Variants in SMYD3 observed in about 807,000 individuals in gnomAD.
The protein encoded by SMYD3 is SET and MYND domain containing 3.
A neutral mutation model predicts 57.7 loss-of-function variants in SMYD3; 36 were observed. That is an observed-to-expected ratio of 0.62 (90% CI 0.48 to 0.82). The LOEUF is 0.82. SMYD3 is among the 40% of genes least tolerant of loss of function. SMYD3 has a pLI of 0.00. For missense variants in SMYD3, 515 were observed against 538.8 expected, an observed-to-expected ratio of 0.96 and a Z score of 0.44; for synonymous variants, 211 against 195.0, an observed-to-expected ratio of 1.08 and a Z score of -0.68.
intron 7 of SMYD3, among the ~76,000 whole-genome samples, chr1:245,922,048 A>C (rs1382892030): frequency 6.6e-6 from 1 of 152,234 alleles, no homozygotes; most frequent in Non-Finnish European, 1.5e-5. Flanking sequence ...AGCTTAATTC[A>C]AAAGGTAAAT....
At position 245,815,661 on chromosome 1, in the gene SMYD3, A is replaced by C. The variant is rs553096270; in HGVS notation, c.1076+42835T>G. On this transcript the variant is annotated intron_variant, in intron 10 of 11. Coordinates refer to ENST00000490107, the MANE Select transcript of SMYD3 (RefSeq NM_001167740.2). ...AGCACCTCTCTGTGTCCTGCTCAAA[A>C]GCATTAAAACATCATTCTTAGATAA... Among the ~76,000 whole-genome samples, 3 of 152,382 alleles carry C rather than the reference A, an allele frequency of 2.0e-5. No individual in the cohort carries two copies. The South Asian group carries it at 6.2e-4, about 32-fold the overall frequency.
intron 5 of SMYD3, among the ~76,000 whole-genome samples, chr1:245,973,592 G>A (rs1167129406): frequency 1.3e-5 from 2 of 152,198 alleles, no homozygotes; most frequent in Admixed American, 6.5e-5. Flanking sequence ...GAGGCTGCAC[G>A]AGAGAGCAAA....
chr1:246,326,970 A>T, intron 5 of SMYD3: 1 of 535,098 alleles, frequency 1.9e-6, no homozygotes, highest in Non-Finnish European at 3.2e-6. Flanking sequence ...AGAATTCACA[A>T]TGAACATACT....
At chr1:246,009,049 C>G (rs1175069119) in intron 5 of SMYD3, among the ~76,000 whole-genome samples, 1 of 152,092 alleles carries the variant, frequency 6.6e-6, no homozygotes, top group Non-Finnish European at 1.5e-5. Flanking sequence ...AAAAACGGGC[C>G]TGCTATGAAA....
intron 5 of SMYD3, among the ~76,000 whole-genome samples, chr1:246,223,550 A>C (rs1354384503): frequency 6.6e-6 from 1 of 152,116 alleles, no homozygotes; most frequent in African/African-American, 2.4e-5. Flanking sequence ...TCATTTTGTC[A>C]TCTTATGTAT....
rs540036344 is a variant in SMYD3 at position 246,052,604 on chromosome 1, G to A, written c.532-122667C>T. 4 of 152,314 alleles carry A rather than the reference G, an allele frequency of 2.6e-5. No individual in the cohort carries two copies. In the South Asian group the frequency reaches 8.3e-4, roughly 32 times the overall value. 9.4% of individuals were successfully genotyped at this position (152,314 alleles called of 1,614,324 possible). ...GTTTATTTTTGGTTGAGGGAGACAGGAGGTGAGAAACAAGCATGCAACAAT... is the reference window on the plus strand; with the variant it reads ...GTTTATTTTTGGTTGAGGGAGACAGAAGGTGAGAAACAAGCATGCAACAAT... On this transcript the variant is annotated intron_variant, in intron 5 of 11. Coordinates refer to ENST00000490107, the MANE Select transcript of SMYD3 (RefSeq NM_001167740.2).
At chr1:246,411,898 C>T (rs1472812669) in intron 1 of SMYD3, among the ~76,000 whole-genome samples, 1 of 149,840 alleles carries the variant, frequency 6.7e-6, no homozygotes, top group Non-Finnish European at 1.5e-5. Context: ...ATGGGTGCAG[C>T]ACACTAACAT....
At chr1:245,903,167 G>A (rs946959315) in intron 8 of SMYD3, among the ~76,000 whole-genome samples, 3 of 152,072 alleles carry the variant, frequency 2.0e-5, no homozygotes, top group African/African-American at 7.2e-5. Context: ...GAAATCCTAA[G>A]ACTGAAGAAT....
At chr1:246,507,003 A>ACCCCCCCCCCCC in intron 1 of SMYD3, 51 bp downstream of exon 1, 1 of 691,580 alleles carries the variant, frequency 1.4e-6, no homozygotes, top group Non-Finnish European at 2.0e-6. Context: ...CCCCCTCCCC[A>ACCCCCCCCCCCC]GCACCCCACA....
At chr1:245,872,382 C>T (rs1031698367) in intron 8 of SMYD3, among the ~76,000 whole-genome samples, 17 of 150,344 alleles carry the variant, frequency 1.1e-4, no homozygotes, top group Non-Finnish European at 1.9e-4. Flanking sequence ...CTGAGCTGGC[C>T]GACCCCAGGA....
At chr1:246,323,481 T>G (rs2065284348) in intron 5 of SMYD3, among the ~76,000 whole-genome samples, 2 of 152,162 alleles carry the variant, frequency 1.3e-5, no homozygotes, top group Admixed American at 1.3e-4. Context: ...GAAACTCCAG[T>G]GTTCAAAATA....
At position 246,447,309 on chromosome 1, in the gene SMYD3, C is replaced by T. The variant is rs568583809; in HGVS notation, c.164+59745G>A. Among the ~76,000 whole-genome samples the T allele has an allele frequency of 2.6e-5, 4 of 152,238 alleles. No homozygotes were observed. The East Asian group carries it at 7.7e-4, about 29-fold the overall frequency. ...TTTCTGGTCCCAATAACTTTCGGAA[C>T]ACTGTGTAACAAAATGTGCTATGAG... On this transcript the variant is annotated intron_variant, in intron 1 of 11. Coordinates refer to ENST00000490107, the MANE Select transcript of SMYD3 (RefSeq NM_001167740.2).
At chr1:246,170,955 A>G (rs914152271) in intron 5 of SMYD3, among the ~76,000 whole-genome samples, 79 of 152,288 alleles carry the variant, frequency 5.2e-4, no homozygotes, top group African/African-American at 1.8e-3. Context: ...TATTTTTCAA[A>G]CAACCCTCTA....
intron 1 of SMYD3, among the ~76,000 whole-genome samples, chr1:246,442,065 C>G (rs2067478714): frequency 6.6e-6 from 1 of 152,166 alleles, no homozygotes; most frequent in East Asian, 1.9e-4. Context: ...GCTGAGGAAC[C>G]CAATTTATTC....
At chr1:246,296,863 CAT>C (rs1349227258) in intron 5 of SMYD3, among the ~76,000 whole-genome samples, 1 of 152,016 alleles carries the variant, frequency 6.6e-6, no homozygotes, top group Non-Finnish European at 1.5e-5. Flanking sequence ...GTACAGATAA[CAT>C]ATTTTTGTTG....
intron 5 of SMYD3, among the ~76,000 whole-genome samples, chr1:246,171,722 A>C (rs1042506625): frequency 2.6e-4 from 39 of 152,358 alleles, no homozygotes; most frequent in Admixed American, 4.6e-4. Context: ...ATAAAAATAC[A>C]GTATAAGGTT....
intron 1 of SMYD3, among the ~76,000 whole-genome samples, chr1:246,459,649 T>C (rs1277369569): frequency 6.6e-6 from 1 of 152,216 alleles, no homozygotes; most frequent in African/African-American, 2.4e-5. Context: ...ACTGCTTTTC[T>C]TCATAAATTA....
At chr1:246,338,991 A>T (rs1266439207) in intron 2 of SMYD3, among the ~76,000 whole-genome samples, 1 of 152,204 alleles carries the variant, frequency 6.6e-6, no homozygotes, top group Non-Finnish European at 1.5e-5. Flanking sequence ...CAAGTGTCCA[A>T]CCAAATTCCA....
chr1:246,002,847 T>G (rs1349331613), intron 5 of SMYD3, among the ~76,000 whole-genome samples: 1 of 151,218 alleles, frequency 6.6e-6, no homozygotes, highest in Non-Finnish European at 1.5e-5. Flanking sequence ...CCTCCTGGGC[T>G]CCAGTGATCC....
Sources: allele counts gnomAD v4.1 joint callset (sites outside exome capture counted in the v4.1 genomes callset), GRCh38; gene constraint gnomAD v4.1.1; transcripts MANE v1.5; gene names NCBI Gene and HGNC (gene_info 2026-07-23, HGNC 2026-07-21).